The following CREBL2 variants were observed in gnomAD, a reference collection of about 807,000 sequenced individuals.
CREBL2 encodes the protein cAMP-responsive element-binding protein-like 2.
In CREBL2, 4 loss-of-function variants were observed where a neutral mutation model predicts 19.5. The ratio of observed to expected loss-of-function variants is 0.20; its 90% CI spans 0.10 to 0.47. The LOEUF (loss-of-function observed/expected upper bound fraction) is 0.47. Ranked by LOEUF, CREBL2 falls within the 20% of genes least tolerant of loss-of-function variation. The pLI is 0.98. For missense variants in CREBL2, 85 were observed against 145.1 expected (o/e 0.59, Z 2.13); for synonymous variants, 42 against 46.6 (o/e 0.90, Z 0.40).
At chr12:12,641,919 A>T in intron 3 of CREBL2, 75 bp from the exon 4 acceptor site, 1 of 984,846 alleles carries the variant, frequency 1.0e-6, no homozygotes, top group Non-Finnish European at 1.5e-6. Context: ...AAAAAAATTT[A>T]TGCATCTTAA....
chr12:12,630,153 G>T (rs540353527), intron 1 of CREBL2, among the ~76,000 whole-genome samples: 1 of 152,124 alleles, frequency 6.6e-6, no homozygotes, highest in Admixed American at 6.5e-5. Context: ...TCCACTTTTT[G>T]GAAGAGTTTG....
chr12:12,617,981 T>TG (rs1945325890), intron 1 of CREBL2, among the ~76,000 whole-genome samples: 1 of 152,030 alleles, frequency 6.6e-6, no homozygotes, highest in Non-Finnish European at 1.5e-5. Flanking sequence ...AGCACGGGGT[T>TG]GGGGGTAAGG....
At position 12,611,995 on chromosome 12, in the gene CREBL2, C is replaced by T; in HGVS notation, c.-178C>T. 1.3e-6 allele frequency: 1 copy of T among 741,636 alleles called. No homozygotes were observed. Among genetic ancestry groups the T allele is most frequent in the South Asian group, 1.7e-5 (1 of 57,966 alleles). 45.9% of individuals were successfully genotyped at this position (741,636 alleles called of 1,614,324 possible). On this transcript the variant is annotated 5_prime_UTR_variant, in exon 1 of 4. Transcript: ENST00000228865. ...CGCCTCCAGGGTCCGCTCTGCCATT[C>T]CTGAACTGGTCCCTCGTCCCCGTGA... is the stretch of plus-strand genomic sequence containing the variant.
intron 3 of CREBL2, 42 bp downstream of exon 3, chr12:12,637,756 C>G (rs1386786580): frequency 6.4e-7 from 1 of 1,564,818 alleles, no homozygotes; most frequent in Admixed American, 1.8e-5. Context: ...AAGAGAGTGT[C>G]TCGGTTGGGC....
chr12:12,626,065 A>C (rs1337538940), intron 1 of CREBL2, among the ~76,000 whole-genome samples: 1 of 152,202 alleles, frequency 6.6e-6, no homozygotes, highest in Non-Finnish European at 1.5e-5. Flanking sequence ...TTCTGACCAC[A>C]CACCCTGGTT....
intron 1 of CREBL2, among the ~76,000 whole-genome samples, chr12:12,618,541 C>G (rs1945333532): frequency 6.6e-6 from 1 of 151,576 alleles, no homozygotes; most frequent in African/African-American, 2.4e-5. Context: ...CTCCTCACTT[C>G]CCAGACTGGG....
chr12:12,637,901 G>T (rs1158725198), intron 3 of CREBL2, among the ~76,000 whole-genome samples, 187 bp downstream of exon 3: 1 of 151,880 alleles, frequency 6.6e-6, no homozygotes, highest in Non-Finnish European at 1.5e-5. Flanking sequence ...AATTCGCTGG[G>T]CATGGGGGTG....
intron 1 of CREBL2, among the ~76,000 whole-genome samples, chr12:12,612,850 T>G (rs1945278958): frequency 6.6e-6 from 1 of 152,184 alleles, no homozygotes; most frequent in South Asian, 2.1e-4. Context: ...ATCCAAATAG[T>G]TTATCTATGT....
Position 12,642,293 on chromosome 12 carries a change from T to G in CREBL2, c.*295T>G, listed in dbSNP as rs1945528764. ...AGGAGTAGAGAAAATCGATGAAGAT[T>G]GTATTTTTGCACCTTAACTCCACAT... On this transcript the variant is annotated 3_prime_UTR_variant, in exon 4 of 4. Transcript: ENST00000228865. The G allele has an allele frequency of 3.6e-6, 1 of 275,378 alleles. No individual in the cohort carries two copies. Among genetic ancestry groups the G allele is most frequent in the South Asian group, 1.5e-4 (1 of 6,654 alleles). 17.1% of individuals were successfully genotyped at this position (275,378 alleles called of 1,614,324 possible).
chr12:12,634,996 A>G (rs375771310), intron 1 of CREBL2, among the ~76,000 whole-genome samples: 15 of 152,090 alleles, frequency 9.9e-5, no homozygotes, highest in African/African-American at 3.4e-4. Flanking sequence ...CAGGAATTCA[A>G]GACCGCAGTG....
intron 2 of CREBL2, among the ~76,000 whole-genome samples, chr12:12,637,304 T>C (rs1296097639): frequency 6.6e-6 from 1 of 152,150 alleles, no homozygotes; most frequent in African/African-American, 2.4e-5. Flanking sequence ...AGGGGCCTTT[T>C]AAATCTGAGC....
intron 3 of CREBL2, among the ~76,000 whole-genome samples, chr12:12,641,411 G>A (rs1945521195): frequency 6.6e-6 from 1 of 151,244 alleles, no homozygotes; most frequent in African/African-American, 2.4e-5. Flanking sequence ...AGGTTCAAGC[G>A]ATTCTCCTGC....
At position 12,614,778 on chromosome 12, in the gene CREBL2, T is replaced by C. The variant is rs183142997; in HGVS notation, c.15+2591T>C. 21 of 374,866 alleles carry C rather than the reference T, an allele frequency of 5.6e-5. No homozygotes were observed. In the East Asian group the frequency reaches 1.6e-3, roughly 28 times the overall value. 23.2% of individuals were successfully genotyped at this position (374,866 alleles called of 1,614,324 possible). The stretch of plus-strand genomic sequence containing the variant: ...TTGGCAAGAATCTTTCCCTTTTTTG[T>C]TTACAACAATGCCAACAGAATGCTG... On this transcript the variant is annotated intron_variant, in intron 1 of 3. Transcript: ENST00000228865.
At chr12:12,623,558 G>T (rs1945377843) in intron 1 of CREBL2, among the ~76,000 whole-genome samples, 1 of 152,150 alleles carries the variant, frequency 6.6e-6, no homozygotes, top group Admixed American at 6.5e-5. Flanking sequence ...AGTTAGAAAT[G>T]CAGGGGATGG....
rs1193355722 is a variant in CREBL2, at chr12:12,641,226, T to TTTA, written c.359-741_359-739dup. On this transcript the variant is annotated intron_variant, in intron 3 of 3. Coordinates refer to ENST00000228865, the MANE Select transcript of CREBL2 (RefSeq NM_001310.4). ...TAGCTATAAAGAAATGTCACAAACC[T>TTTA]TTATTATTATTATTATTATTATTAT... Among the ~76,000 whole-genome samples the TTTA allele has an allele frequency of 1.7e-3, 204 of 120,920 alleles. 5 individuals are homozygous for TTTA. The highest frequency in any genetic ancestry group is 4.5e-3 in the African/African-American group (144 of 31,922). 79.3% of individuals were successfully genotyped at this position (120,920 alleles called of 152,430 possible).
chr12:12,619,721 T>A (rs1945345983), intron 1 of CREBL2, among the ~76,000 whole-genome samples: 1 of 152,204 alleles, frequency 6.6e-6, no homozygotes, highest in African/African-American at 2.4e-5. Flanking sequence ...TATTTTTTAT[T>A]TTATGTTGGA....
intron 1 of CREBL2, among the ~76,000 whole-genome samples, chr12:12,634,673 T>C (rs1364595586): frequency 6.6e-6 from 1 of 152,230 alleles, no homozygotes; most frequent in Non-Finnish European, 1.5e-5. Context: ...TATTGTCTTA[T>C]AATGTTGAGA....
chr12:12,621,644 GA>G (rs201606171), intron 1 of CREBL2, among the ~76,000 whole-genome samples: 1,581 of 152,048 alleles, frequency 0.01, 26 homozygotes, highest in African/African-American at 0.036. Flanking sequence ...AGATGAGGAT[GA>G]AAGATAAGCA....
intron 1 of CREBL2, among the ~76,000 whole-genome samples, chr12:12,629,632 A>G (rs1945427760): frequency 1.3e-5 from 2 of 151,914 alleles, no homozygotes; most frequent in African/African-American, 2.4e-5. Flanking sequence ...TTTTCTTGGT[A>G]GTTCAGTGTT....
Sources: allele counts gnomAD v4.1 joint callset (sites outside exome capture counted in the v4.1 genomes callset), GRCh38; gene constraint gnomAD v4.1.1; transcripts MANE v1.5; gene names NCBI Gene and HGNC (gene_info 2026-07-23, HGNC 2026-07-21).